MGAM: variants seen among roughly 807,000 people sequenced by gnomAD.
The protein encoded by MGAM is alpha-1,4-glucosidase.
A neutral mutation model predicts 358.8 loss-of-function variants in MGAM; 253 were observed. The ratio of observed to expected loss-of-function variants is 0.71; its 90% CI spans 0.64 to 0.78. The LOEUF is 0.78. MGAM is among the 30% of genes least tolerant of loss of function. MGAM has a pLI of 0.00. For synonymous variants in MGAM, 1,105 were observed against 1,227.1 expected, an observed-to-expected ratio of 0.90 and a Z score of 2.08; for missense variants, 3,080 against 3,432.6, an observed-to-expected ratio of 0.90 and a Z score of 2.57.
chr7:142,047,563 A>G (rs1286842324), intron 21 of MGAM, among the ~76,000 whole-genome samples: 2 of 152,166 alleles, frequency 1.3e-5, no homozygotes, highest in East Asian at 1.9e-4. Context: ...TCTTGCCTCT[A>G]ACATAGATGT....
Position 142,078,350 on chromosome 7 carries a change from G to C in MGAM, c.5526G>C (p.Leu1842=), listed in dbSNP as rs1426721161. Reference sequence around the variant, plus strand: ...TTATCACAGACATCAATCTTTTCCTGGGAGAAGCATACACAGTGGAGTGGA... The same window carrying C: ...TTATCACAGACATCAATCTTTTCCTCGGAGAAGCATACACAGTGGAGTGGA... ...VAIITDINLF[L]GEAYTVEWSI... is the part of the protein sequence containing the mutation. Residue 1842 remains leucine, a synonymous_variant, in exon 48 of 71, where the codon CTG becomes CTC. Transcript: ENST00000475668. The C allele has an allele frequency of 6.7e-7, 1 of 1,497,248 alleles. No homozygotes were observed. The highest frequency in any genetic ancestry group is 9.1e-7 in the Non-Finnish European group (1 of 1,100,490). The allele number at this position is 1,497,248 out of a possible 1,614,324, so 92.7% of individuals were successfully genotyped here.
Position 142,045,078 on chromosome 7 carries a change from T to C in MGAM, c.2499-2707T>C, listed in dbSNP as rs1242506915. ...ATATGTATATTATATATACGTGTAA[T>C]ATATGATATATAATATGTATATTAT... On this transcript the variant is annotated intron_variant, in intron 21 of 70. Transcript: ENST00000475668. Among the ~76,000 whole-genome samples the C allele has an allele frequency of 3.5e-5, 3 of 84,624 alleles. 1 individual carries two copies. The highest frequency in any genetic ancestry group is 1.3e-4 in the African/African-American group (3 of 22,892). 55.5% of individuals were successfully genotyped at this position (84,624 alleles called of 152,430 possible). A position where few individuals can be genotyped will look rare whatever the true frequency, so the allele number is the denominator to read the frequency against.
At chr7:142,060,465 T>A in intron 34 of MGAM, 92 bp downstream of exon 34, 1 of 1,464,496 alleles carries the variant, frequency 6.8e-7, no homozygotes, top group Non-Finnish European at 9.5e-7. Flanking sequence ...ACCGTGGACA[T>A]GGGCTTGGCA....
At chr7:142,095,816 A>G (rs1815854570) in intron 64 of MGAM, 103 bp downstream of exon 64, 19 of 1,518,308 alleles carry the variant, frequency 1.3e-5, no homozygotes, top group Admixed American at 1.9e-5. Flanking sequence ...GCCTTTTGAC[A>G]TGAGCTCTTC....
chr7:142,003,678 C>A (rs148649127), intron 1 of MGAM, among the ~76,000 whole-genome samples: 2,092 of 152,002 alleles, frequency 0.014, 21 homozygotes, highest in Non-Finnish European at 0.022. Flanking sequence ...GAAACCACAA[C>A]AGAAACAAAA....
At position 142,030,750 on chromosome 7, in the gene MGAM, T is replaced by C. The variant is rs1295542195; in HGVS notation, c.1463T>C (p.Ile488Thr). 1.2e-6 allele frequency: 2 copies of C among 1,600,884 alleles called. No homozygotes were observed. The highest frequency in any genetic ancestry group is 2.2e-5 in the East Asian group (1 of 44,822). ...VNSSDGVTPL[I>T]GEVWPGQTVF... ...AGTTCAGATGGAGTGACTCCACTCA[T>C]TGGGGAGGTAACTTAATGGGAAGGC... Residue 488 changes from isoleucine (I) to threonine (T), a missense_variant, in exon 12 of 71, where the codon ATT becomes ACT. This residue lies in a region of MGAM where 1,816 missense variants were observed against 1,840.5 expected (regional missense o/e 0.99). Coordinates refer to ENST00000475668, the MANE Select transcript of MGAM (RefSeq NM_001365693.1).
rs1813930270 is a variant in MGAM at position 142,078,399 on chromosome 7, A to T, written c.5575A>T (p.Lys1859Ter). The T allele has an allele frequency of 2.6e-6, 4 of 1,535,260 alleles. 1 individual carries two copies. The highest frequency in any genetic ancestry group is 1.7e-4 in the Middle Eastern group (1 of 5,932). Residue 1859 changes from lysine (K) to a stop codon, truncating the protein, a stop_gained, in exon 48 of 71, where the codon AAA becomes TAA. Transcript: ENST00000475668. LOFTEE classifies it high-confidence loss of function. Reference sequence around the variant, plus strand: ...GAGCATAAAGATAAGGGATGAAGAAAAAATAGACTGTTACCCTGATGAGAA... The same window carrying T: ...GAGCATAAAGATAAGGGATGAAGAATAAATAGACTGTTACCCTGATGAGAA... ...EWSIKIRDEE[K>*]IDCYPDENGD...
intron 19 of MGAM, among the ~76,000 whole-genome samples, chr7:142,039,102 ACTT>A: frequency 7.9e-6 from 1 of 126,090 alleles, no homozygotes; most frequent in Admixed American, 7.9e-5. Flanking sequence ...GTTGCCACAC[ACTT>A]TTTTTTTTTT....
chr7:141,988,207 G>C (rs1353572918), intron 2 of MGAM, among the ~76,000 whole-genome samples: 3 of 152,160 alleles, frequency 2.0e-5, no homozygotes, highest in African/African-American at 7.2e-5. Context: ...AGAATTGGTT[G>C]AACCCAGGAG....
At chr7:141,987,967 G>A (rs79364319) in intron 2 of MGAM, among the ~76,000 whole-genome samples, 1,562 of 152,172 alleles carry the variant, frequency 0.01, 19 homozygotes, top group Middle Eastern at 0.048. Context: ...TTAAAGGATT[G>A]TTGTGATCAA....
In MGAM at chr7:142,088,988, G is replaced by GTATCTATC. The variant is rs1156536188; in HGVS notation, c.6810+2274_6810+2275insCTATCTAT. On this transcript the variant is annotated intron_variant, in intron 57 of 70. Coordinates refer to ENST00000475668, the MANE Select transcript of MGAM (RefSeq NM_001365693.1). The stretch of plus-strand genomic sequence containing the variant: ...TCTATGTATGTATGTATGTATGTAT[G>GTATCTATC]TATGTATGTATCTATCTATCTATCT... Among the ~76,000 whole-genome samples the GTATCTATC allele has an allele frequency of 5.5e-5, 5 of 90,944 alleles. 1 individual carries two copies. The highest frequency in any genetic ancestry group is 4.0e-4 in the South Asian group (1 of 2,500). 59.7% of individuals were successfully genotyped at this position (90,944 alleles called of 152,430 possible).
Position 142,044,103 on chromosome 7 carries a change from TATAC to T in MGAM, c.2498+3260_2498+3263del, listed in dbSNP as rs1215990177. The stretch of plus-strand genomic sequence containing the variant: ...TTATATACACATACGACGTATAATA[TATAC>T]ATTATATACACATACGACGTATAAT... On this transcript the variant is annotated intron_variant, in intron 21 of 70. Transcript: ENST00000475668. 6.7e-4 allele frequency among the ~76,000 whole-genome samples: 91 copies of T among 136,372 alleles called. 1 individual carries two copies. Among genetic ancestry groups the T allele is most frequent in the African/African-American group, 1.1e-3 (37 of 33,188 alleles). The allele number at this position is 136,372 out of a possible 152,430, so 89.5% of individuals were successfully genotyped here.
chr7:142,044,290 A>G (rs938840926), intron 21 of MGAM, among the ~76,000 whole-genome samples: 1 of 95,846 alleles, frequency 1.0e-5, no homozygotes, highest in African/African-American at 3.0e-5. Context: ...CATACGACAT[A>G]TAATATATAC....
At chr7:142,014,712 T>A (rs1805837601) in intron 3 of MGAM, among the ~76,000 whole-genome samples, 1 of 152,120 alleles carries the variant, frequency 6.6e-6, no homozygotes, top group Non-Finnish European at 1.5e-5. Flanking sequence ...AATAGATATA[T>A]ACAGCCTATA....
intron 10 of MGAM, among the ~76,000 whole-genome samples, chr7:142,028,925 G>A (rs887523636): frequency 5.3e-5 from 8 of 152,114 alleles, no homozygotes; most frequent in Admixed American, 1.3e-4. Context: ...AGAAAAAGTG[G>A]TAAAAGCAGG....
chr7:142,101,832 C>T (rs369128801), intron 68 of MGAM, among the ~76,000 whole-genome samples: 65 of 150,878 alleles, frequency 4.3e-4, no homozygotes, highest in Middle Eastern at 3.4e-3. Flanking sequence ...TGCTTGTACC[C>T]GGGAGGCGGA....
chr7:142,071,870 A>C (rs1016833942), intron 44 of MGAM, among the ~76,000 whole-genome samples: 1 of 146,494 alleles, frequency 6.8e-6, no homozygotes, highest in Non-Finnish European at 1.5e-5. Flanking sequence ...TCTGTACTAA[A>C]GAGGTGTGCA....
chr7:142,045,629 T>G (rs1338131671), intron 21 of MGAM, among the ~76,000 whole-genome samples: 4 of 107,662 alleles, frequency 3.7e-5, no homozygotes, highest in African/African-American at 1.5e-4. Context: ...ACATACAATA[T>G]ATGAATATAT....
intron 1 of MGAM, among the ~76,000 whole-genome samples, chr7:142,000,204 C>A (rs1554450209): frequency 6.6e-6 from 1 of 152,106 alleles, no homozygotes; most frequent in Non-Finnish European, 1.5e-5. Context: ...CCGAGTGGTG[C>A]TGATTTAGGG....
Sources: gnomAD v4.1 joint callset for allele counts (sites outside exome capture counted in the v4.1 genomes callset) on GRCh38, gnomAD v4.1.1 for gene constraint, gnomAD v4.1.1 regional missense constraint, MANE v1.5 for transcripts, NCBI Gene and HGNC (gene_info 2026-07-23, HGNC 2026-07-21) for gene names.